GDF6: variants seen among roughly 807,000 people sequenced by gnomAD.
GDF6 encodes the protein growth differentiation factor 6, also known as growth/differentiation factor 6.
In GDF6, 3 loss-of-function variants were observed where a neutral mutation model predicts 32.4. The ratio of observed to expected loss-of-function variants is 0.09; its 90% CI spans 0.04 to 0.24. The LOEUF (loss-of-function observed/expected upper bound fraction) is 0.24. Among genes scored for constraint, GDF6 ranks in the 10% least tolerant of loss-of-function variants. The pLI, the probability that GDF6 is intolerant of heterozygous loss-of-function variation, is 1.00. For missense variants in GDF6, 589 were observed against 637.9 expected, an observed-to-expected ratio of 0.92 and a Z score of 0.83; for synonymous variants, 296 against 295.3, an observed-to-expected ratio of 1.00 and a Z score of -0.03.
chr8:96,142,636 C>T lies in GDF6; in HGVS notation c.*1927G>A, dbSNP rs1812391961. The T allele has an allele frequency of 1.3e-5, 2 of 152,560 alleles. No individual in the cohort carries two copies. Among genetic ancestry groups the T allele is most frequent in the South Asian group, 4.1e-4 (2 of 4,834 alleles). The allele number at this position is 152,560 out of a possible 1,614,324, so 9.5% of individuals were successfully genotyped here. On this transcript the variant is annotated 3_prime_UTR_variant, in exon 2 of 2. Coordinates refer to ENST00000287020, the MANE Select transcript of GDF6 (RefSeq NM_001001557.4). ...AATTATAACATTTGAGTGCATATAA[C>T]GTTTTGTACATTAGGATGAATTGCA...
chr8:96,148,496 G>A (rs536765349), intron 1 of GDF6, among the ~76,000 whole-genome samples: 3 of 152,350 alleles, frequency 2.0e-5, no homozygotes, highest in East Asian at 1.9e-4. Context: ...TCACATAGGC[G>A]CTTGCTAGAA....
chr8:96,152,016 G>A (rs576097292), intron 1 of GDF6, among the ~76,000 whole-genome samples: 1 of 152,292 alleles, frequency 6.6e-6, no homozygotes, highest in South Asian at 2.1e-4. Context: ...ACATCTTCTA[G>A]GGGAAGGTGC....
intron 1 of GDF6, among the ~76,000 whole-genome samples, chr8:96,151,206 C>G (rs1387164695): frequency 6.6e-6 from 1 of 152,240 alleles, no homozygotes; most frequent in Non-Finnish European, 1.5e-5. Context: ...GTTCGGGAAG[C>G]AGTCCATACA....
intron 1 of GDF6, among the ~76,000 whole-genome samples, chr8:96,159,216 T>G (rs192872438): frequency 3.9e-5 from 6 of 152,350 alleles, no homozygotes; most frequent in Non-Finnish European, 8.8e-5. Context: ...TCTTCCTTCC[T>G]TCTCTTTACT....
chr8:96,144,462 C>A lies in GDF6; in HGVS notation c.*101G>T. 1 of 1,443,606 alleles carries A rather than the reference C, an allele frequency of 6.9e-7. No homozygotes were observed. The allele number at this position is 1,443,606 out of a possible 1,614,324, so 89.4% of individuals were successfully genotyped here. A position where few individuals can be genotyped will look rare whatever the true frequency, so the allele number is the denominator to read the frequency against. On this transcript the variant is annotated 3_prime_UTR_variant, in exon 2 of 2. Coordinates refer to ENST00000287020, the MANE Select transcript of GDF6 (RefSeq NM_001001557.4). This position sits in a 1 kb window ranked among gnomAD's most constrained non-coding sequence, Gnocchi z 5.1. ...CTGTTCCCTCACCCTCAGCCTCCCC[C>A]AGCGCCAGCTTCCTCCTCCGCCTCT...
rs751734883 is a variant in GDF6, at chr8:96,145,382, C to A, written c.549G>T (p.Pro183=). 5 of 1,570,344 alleles carry A rather than the reference C, an allele frequency of 3.2e-6. No homozygotes were observed. Among genetic ancestry groups the A allele is most frequent in the South Asian group, 1.1e-5 (1 of 87,698 alleles). ...PSAPWGPPAG[P]LHVQLFPCLS... is the part of the protein sequence containing the mutation. ...GGCAAGGGAAGAGCTGCACGTGGAG[C>A]GGCCCGGCTGGTGGCCCCCAGGGCG... is the stretch of plus-strand genomic sequence containing the variant. Residue 183 remains proline, a synonymous_variant, in exon 2 of 2, where the codon CCG becomes CCT. Transcript: ENST00000287020. The surrounding 1 kb of genome is among the most constrained non-coding windows in gnomAD (Gnocchi z 5.6).
chr8:96,144,841 T>C lies in GDF6; in HGVS notation c.1090A>G (p.Lys364Glu). The change falls in exon 2 of 2, where the codon AAG becomes GAG. Residue 364 changes from lysine to glutamate, a missense_variant. Transcript: ENST00000287020. This position sits in a 1 kb window ranked among gnomAD's most constrained non-coding sequence, Gnocchi z 5.1. ...CSKKPLHVNF[K>E]ELGWDDWIIA... ...ATCCAGTCGTCCCAGCCCAGCTCCT[T>C]GAAGTTCACGTGCAGGGGCTTCTTG... 2.5e-6 allele frequency: 4 copies of C among 1,614,044 alleles called. No homozygotes were observed. Among genetic ancestry groups the C allele is most frequent in the African/African-American group, 1.3e-5 (1 of 75,042 alleles).
intron 1 of GDF6, 152 bp downstream of exon 1, chr8:96,160,135 C>T (rs1812735513): frequency 2.3e-6 from 2 of 859,338 alleles, no homozygotes; most frequent in African/African-American, 3.3e-5. Context: ...CATTCAGAAA[C>T]TTACTCGAGC....
intron 1 of GDF6, among the ~76,000 whole-genome samples, chr8:96,147,826 G>A (rs1222532719): frequency 1.3e-5 from 2 of 152,162 alleles, no homozygotes; most frequent in Non-Finnish European, 2.9e-5. Flanking sequence ...TTATTTGCAG[G>A]GCTTGCTAGG....
At chr8:96,149,706 G>A (rs573062974) in intron 1 of GDF6, among the ~76,000 whole-genome samples, 251 of 152,336 alleles carry the variant, frequency 1.6e-3, no homozygotes, top group African/African-American at 5.5e-3. Context: ...TATTTGCAAA[G>A]TAATTACCAT....
chr8:96,152,669 C>T (rs2130223010), intron 1 of GDF6, among the ~76,000 whole-genome samples: 1 of 152,318 alleles, frequency 6.6e-6, no homozygotes, highest in African/African-American at 2.4e-5. Context: ...AGTGTGTGTT[C>T]CTTCTCATCA....
rs367654279 is a variant in GDF6 at position 96,146,707 on chromosome 8, C to CACACACAGAGAGAGAGAG, written c.407-1184_407-1183insCTCTCTCTCTCTGTGTGT. Among the ~76,000 whole-genome samples, 152 of 140,010 alleles carry CACACACAGAGAGAGAGAG rather than the reference C, an allele frequency of 1.1e-3. 4 individuals are homozygous for CACACACAGAGAGAGAGAG. Among genetic ancestry groups the CACACACAGAGAGAGAGAG allele is most frequent in the African/African-American group, 4.1e-3 (145 of 35,168 alleles). The allele number at this position is 140,010 out of a possible 152,430, so 91.9% of individuals were successfully genotyped here. ...ACACACACACACACACACACACACA[C>CACACACAGAGAGAGAGAG]AGAGAGAGAGAGAGAGAGATAGAGA... On this transcript the variant is annotated intron_variant, in intron 1 of 1. Transcript: ENST00000287020.
chr8:96,159,674 G>A (rs974851769), intron 1 of GDF6, among the ~76,000 whole-genome samples: 3 of 152,218 alleles, frequency 2.0e-5, no homozygotes, highest in Non-Finnish European at 4.4e-5. Flanking sequence ...GGAGCACCAC[G>A]CTGGAGCAAA....
intron 1 of GDF6, among the ~76,000 whole-genome samples, chr8:96,146,701 CACACACAGAG>C (rs1427235001): frequency 7.7e-6 from 1 of 129,698 alleles, no homozygotes; most frequent in Non-Finnish European, 1.6e-5. Context: ...CACACACACA[CACACACAGAG>C]AGAGAGAGAG....
intron 1 of GDF6, among the ~76,000 whole-genome samples, chr8:96,158,199 A>G (rs1236989489): frequency 6.6e-6 from 1 of 152,000 alleles, no homozygotes. Flanking sequence ...GTACTTGTGG[A>G]TCTCGGTCCT....
chr8:96,158,376 T>G (rs1363031892), intron 1 of GDF6, among the ~76,000 whole-genome samples: 2 of 152,166 alleles, frequency 1.3e-5, no homozygotes, highest in Non-Finnish European at 2.9e-5. Context: ...TACGCCGGAT[T>G]GGGGCCCCCA....
In GDF6 at chr8:96,145,447, C is replaced by T. The variant is rs745516566; in HGVS notation, c.484G>A (p.Val162Met). Residue 162 changes from valine (V) to methionine (M), a missense_variant, in exon 2 of 2, where the codon GTG (valine) becomes ATG (methionine). Physicochemically the swap from Val to Met is conservative, Grantham distance 21. This residue lies in a region of GDF6 where 436 missense variants were observed against 411.2 expected (regional missense o/e 1.06). Coordinates refer to ENST00000287020, the MANE Select transcript of GDF6 (RefSeq NM_001001557.4). The surrounding 1 kb of genome is among the most constrained non-coding windows in gnomAD (Gnocchi z 5.6). ...VSMLSDKEEL[V>M]GAELRLFRQA... ...CGAAAGAGCCGCAGCTCCGCGCCCA[C>T]CAGCTCTTCTTTGTCTGAGAGCATG... is the stretch of plus-strand genomic sequence containing the variant. The T allele has an allele frequency of 3.8e-6, 6 of 1,597,122 alleles. No individual in the cohort carries two copies. The highest frequency in any genetic ancestry group is 5.1e-6 in the Non-Finnish European group (6 of 1,179,366).
At chr8:96,160,119 C>A (rs1259774497) in intron 1 of GDF6, among the ~76,000 whole-genome samples, 168 bp downstream of exon 1, 1 of 152,238 alleles carries the variant, frequency 6.6e-6, no homozygotes, top group African/African-American at 2.4e-5. Context: ...ATAGAATCCG[C>A]AGCCACATTC....
Position 96,145,575 on chromosome 8 carries a change from C to T in GDF6, c.407-51G>A. The T allele has an allele frequency of 6.3e-7, 1 of 1,595,814 alleles. No homozygotes were observed. The highest frequency in any genetic ancestry group is 8.5e-7 in the Non-Finnish European group (1 of 1,178,884). The stretch of plus-strand genomic sequence containing the variant: ...CAGTTTCACTTAAGGGGGAGATCAG[C>T]CCGGTGCTCTTCGGCCGCCCCGGGA... On this transcript the variant is annotated intron_variant, in intron 1 of 1. Transcript: ENST00000287020. This position sits in a 1 kb window ranked among gnomAD's most constrained non-coding sequence, Gnocchi z 5.6.
Sources: gnomAD v4.1 joint callset for allele counts (sites outside exome capture counted in the v4.1 genomes callset) on GRCh38, gnomAD v4.1.1 for gene constraint, gnomAD v4.1.1 regional missense constraint, Gnocchi (gnomAD v3.1) non-coding constraint, MANE v1.5 for transcripts, NCBI Gene and HGNC (gene_info 2026-07-23, HGNC 2026-07-21) for gene names.